The following ANKFY1 variants were observed in gnomAD, a reference collection of about 807,000 sequenced individuals.
ANKFY1 encodes the protein ankyrin repeat and FYVE domain-containing protein 1.
ANKFY1 carries 47 observed loss-of-function variants against 128.3 expected under a neutral mutation model. That is an observed-to-expected ratio of 0.37 (90% CI 0.29 to 0.47). ANKFY1 has a LOEUF of 0.47. Ranked by LOEUF, ANKFY1 falls within the 20% of genes least tolerant of loss-of-function variation. The pLI is 1.00. For missense variants in ANKFY1, 1,222 were observed against 1,510.6 expected, an observed-to-expected ratio of 0.81 and a Z score of 3.17; for synonymous variants, 553 against 601.6, an observed-to-expected ratio of 0.92 and a Z score of 1.18.
intron 16 of ANKFY1, chr17:4,180,080 C>T: frequency 1.6e-6 from 1 of 618,632 alleles, no homozygotes; most frequent in Non-Finnish European, 2.8e-6. Context: ...TGGGGGTGGG[C>T]AACCCGGGCA....
At chr17:4,213,336 C>T (rs1290946625) in intron 4 of ANKFY1, among the ~76,000 whole-genome samples, 1 of 151,508 alleles carries the variant, frequency 6.6e-6, no homozygotes, top group Non-Finnish European at 1.5e-5. Context: ...ATTATAGGCG[C>T]CCGCCACCAC....
chr17:4,198,059 G>C (rs1028328921), intron 7 of ANKFY1, among the ~76,000 whole-genome samples: 1 of 151,954 alleles, frequency 6.6e-6, no homozygotes, highest in Non-Finnish European at 1.5e-5. Flanking sequence ...AACCCAGGGG[G>C]TGGAGGTTGC....
At chr17:4,248,179 G>C (rs370419757) in intron 1 of ANKFY1, among the ~76,000 whole-genome samples, 2 of 152,288 alleles carry the variant, frequency 1.3e-5, no homozygotes, top group Admixed American at 1.3e-4. Flanking sequence ...GGCCGTGGAC[G>C]GGTACTAGTT....
chr17:4,182,260 A>G lies in ANKFY1; in HGVS notation c.2042T>C (p.Met681Thr). 1.3e-6 allele frequency: 2 copies of G among 1,594,780 alleles called. No homozygotes were observed. Among genetic ancestry groups the G allele is most frequent in the Non-Finnish European group, 1.7e-6 (2 of 1,169,870 alleles). Residue 681 changes from methionine to threonine, a missense_variant, in exon 15 of 25, where the codon ATG becomes ACG. Transcript: ENST00000341657. ...VDAICTRGAD[M>T]SVPDEKGNPP... ...GTTCCCCTTCTCATCTGGCACAGACATGTCAGCTCCTCGGGTGCATATGGC... is the reference window on the plus strand; with the variant it reads ...GTTCCCCTTCTCATCTGGCACAGACGTGTCAGCTCCTCGGGTGCATATGGC...
At chr17:4,234,376 G>T (rs1333089453) in intron 3 of ANKFY1, among the ~76,000 whole-genome samples, 3 of 152,100 alleles carry the variant, frequency 2.0e-5, no homozygotes, top group African/African-American at 7.2e-5. Context: ...AAATGAAAAT[G>T]CAACCTTCAG....
At chr17:4,258,881 A>G (rs1447801028) in intron 1 of ANKFY1, among the ~76,000 whole-genome samples, 1 of 152,206 alleles carries the variant, frequency 6.6e-6, no homozygotes, top group African/African-American at 2.4e-5. Flanking sequence ...ATCAAATTCC[A>G]TCAAGCTAAC....
At chr17:4,244,825 A>G (rs1967450297) in intron 1 of ANKFY1, among the ~76,000 whole-genome samples, 1 of 151,968 alleles carries the variant, frequency 6.6e-6, no homozygotes, top group African/African-American at 2.4e-5. Flanking sequence ...TCCGAACTCC[A>G]GTCTCTCTTT....
chr17:4,170,621 G>T, intron 23 of ANKFY1, 94 bp downstream of exon 23: 1 of 1,497,274 alleles, frequency 6.7e-7, no homozygotes, highest in Non-Finnish European at 9.0e-7. Context: ...CGATCCTAAG[G>T]CATCATGAGA....
intron 1 of ANKFY1, among the ~76,000 whole-genome samples, chr17:4,260,618 CAAAA>C (rs60030304): frequency 1.1e-4 from 7 of 65,070 alleles, no homozygotes; most frequent in South Asian, 6.6e-4. Context: ...ATCCTGTCTC[CAAAA>C]AAAAAAAAAA....
At chr17:4,200,008 C>G (rs1267451547) in intron 7 of ANKFY1, among the ~76,000 whole-genome samples, 1 of 151,950 alleles carries the variant, frequency 6.6e-6, no homozygotes, top group Non-Finnish European at 1.5e-5. Context: ...CAATTGCTCT[C>G]AGTAGCCTCC....
intron 3 of ANKFY1, among the ~76,000 whole-genome samples, chr17:4,232,124 T>G (rs2060523806): frequency 6.6e-6 from 1 of 152,130 alleles, no homozygotes; most frequent in African/African-American, 2.4e-5. Flanking sequence ...GGATTAATGT[T>G]GAAAAAACAA....
At chr17:4,192,018 G>T (rs1234058734) in intron 10 of ANKFY1, among the ~76,000 whole-genome samples, 2 of 50,050 alleles carry the variant, frequency 4.0e-5, no homozygotes, top group Non-Finnish European at 9.2e-5. Flanking sequence ...TTAATCTGGA[G>T]ACTCCTAGTT....
intron 11 of ANKFY1, 74 bp from the exon 12 acceptor site, chr17:4,185,120 G>T: frequency 1.5e-6 from 2 of 1,370,864 alleles, no homozygotes; most frequent in Non-Finnish European, 2.0e-6. Flanking sequence ...CAGCCTAAGT[G>T]CAAAACCTCG....
Position 4,191,567 on chromosome 17 carries a change from G to C in ANKFY1, c.1373-2088C>G, listed in dbSNP as rs191508646. On this transcript the variant is annotated intron_variant, in intron 10 of 24. Transcript: ENST00000341657. ...CTAATCTGGAGACTCCTAGTTGATG[G>C]TTGCTCTAATCTGGAGACTCCTAGT... 1.8e-4 allele frequency among the ~76,000 whole-genome samples: 27 copies of C among 150,962 alleles called. 1 individual carries two copies. In the East Asian group the frequency reaches 3.8e-3, roughly 21 times the overall value.
intron 10 of ANKFY1, among the ~76,000 whole-genome samples, chr17:4,193,963 G>A (rs2059765623): frequency 6.6e-6 from 1 of 150,802 alleles, no homozygotes; most frequent in Non-Finnish European, 1.5e-5. Flanking sequence ...TCACCATGTT[G>A]GCCTGGCTGA....
At position 4,239,170 on chromosome 17, in the gene ANKFY1, TAGA is replaced by T. The variant is rs541971912; in HGVS notation, c.203+3083_203+3085del. The stretch of plus-strand genomic sequence containing the variant: ...GCCCAGTCTCATTCCCATTGTCTCC[TAGA>T]AGGACTTCAACACAATGAATGCAAA... On this transcript the variant is annotated intron_variant, in intron 2 of 24. Coordinates refer to ENST00000341657, the MANE Select transcript of ANKFY1 (RefSeq NM_001330063.2). Among the ~76,000 whole-genome samples the T allele has an allele frequency of 8.5e-5, 13 of 152,324 alleles. No homozygotes were observed. In the South Asian group the frequency reaches 2.7e-3, roughly 32 times the overall value.
In ANKFY1 at chr17:4,176,575, T is replaced by C. The variant is rs114053927; in HGVS notation, c.2775+551A>G. 1.1e-3 allele frequency among the ~76,000 whole-genome samples: 168 copies of C among 152,304 alleles called. 2 individuals carry two copies. The highest frequency in any genetic ancestry group is 3.8e-3 in the African/African-American group (157 of 41,552). On this transcript the variant is annotated intron_variant, in intron 19 of 24. Transcript: ENST00000341657. ...CTCTACTAAAACTTCAACCAAACTT[T>C]CCTACGTAAACACACCACATGCACT...
At chr17:4,225,189 T>G (rs1210413278) in intron 3 of ANKFY1, among the ~76,000 whole-genome samples, 2 of 152,004 alleles carry the variant, frequency 1.3e-5, no homozygotes, top group Non-Finnish European at 2.9e-5. Flanking sequence ...AAACCCCCTC[T>G]CTACTAAAAT....
chr17:4,263,862 C>T, intron 1 of ANKFY1, 70 bp downstream of exon 1: 1 of 1,612,922 alleles, frequency 6.2e-7, no homozygotes, highest in South Asian at 1.1e-5. Flanking sequence ...CCTCCCACGG[C>T]AGCTTCGCAC....
Sources: gnomAD v4.1 joint callset for allele counts (sites outside exome capture counted in the v4.1 genomes callset) on GRCh38, gnomAD v4.1.1 for gene constraint, MANE v1.5 for transcripts, NCBI Gene and HGNC (gene_info 2026-07-23, HGNC 2026-07-21) for gene names.